Variants in CDCA7L observed in about 807,000 individuals in gnomAD.
CDCA7L encodes cell division cycle-associated 7-like protein.
A neutral mutation model predicts 57.4 loss-of-function variants in CDCA7L; 44 were observed. That is an observed-to-expected ratio of 0.77 (90% CI 0.60 to 0.98). The LOEUF is 0.98. Ranked by LOEUF, CDCA7L falls within the 50% of genes least tolerant of loss-of-function variation. CDCA7L has a pLI of 0.00. For synonymous variants in CDCA7L, 236 were observed against 202.8 expected (o/e 1.16, Z -1.39); for missense variants, 644 against 580.6 (o/e 1.11, Z -1.12).
chr7:21,928,770 G>C (rs1402641823), intron 1 of CDCA7L, among the ~76,000 whole-genome samples: 1 of 151,786 alleles, frequency 6.6e-6, no homozygotes, highest in Admixed American at 6.6e-5. Context: ...GAGTGAAAAA[G>C]GAACAAAAAA....
At chr7:21,944,948 C>T (rs1013492008) in intron 1 of CDCA7L, 4 of 150,694 alleles carry the variant, frequency 2.7e-5, no homozygotes, top group Non-Finnish European at 5.9e-5. Context: ...CTGCTTGTTT[C>T]CCTTTTTAAA....
chr7:21,911,147 C>T (rs1377291041), intron 3 of CDCA7L, among the ~76,000 whole-genome samples: 3 of 149,878 alleles, frequency 2.0e-5, no homozygotes, highest in Admixed American at 6.7e-5. Context: ...CTCCTGCCTC[C>T]GCCTCCCGAG....
At chr7:21,933,942 A>T (rs986213459) in intron 1 of CDCA7L, among the ~76,000 whole-genome samples, 1 of 152,118 alleles carries the variant, frequency 6.6e-6, no homozygotes, top group African/African-American at 2.4e-5. Context: ...CTGGTTAAAA[A>T]AAAAAAACTG....
At chr7:21,936,843 G>A (rs955855012) in intron 1 of CDCA7L, among the ~76,000 whole-genome samples, 5 of 152,042 alleles carry the variant, frequency 3.3e-5, no homozygotes, top group African/African-American at 4.8e-5. Context: ...AATAAATAAC[G>A]CATCCAAATT....
At chr7:21,905,300 A>G (rs886364498) in intron 7 of CDCA7L, among the ~76,000 whole-genome samples, 4 of 152,084 alleles carry the variant, frequency 2.6e-5, no homozygotes, top group Non-Finnish European at 5.9e-5. Flanking sequence ...ACGCATCCCT[A>G]AGAGAGACCG....
chr7:21,912,780 T>C lies in CDCA7L; in HGVS notation c.166-1026A>G, dbSNP rs372084111. On this transcript the variant is annotated intron_variant, in intron 2 of 9. Coordinates refer to ENST00000406877, the MANE Select transcript of CDCA7L (RefSeq NM_018719.5). Reference sequence around the variant, plus strand: ...TTTCTCTCGTGCAGGAGGTGAGAGGTGAACAACCATGGCTAGGTGGCAAGT... The same window carrying C: ...TTTCTCTCGTGCAGGAGGTGAGAGGCGAACAACCATGGCTAGGTGGCAAGT... 1.1e-4 allele frequency among the ~76,000 whole-genome samples: 16 copies of C among 152,156 alleles called. No homozygotes were observed. In the East Asian group the frequency reaches 1.4e-3, roughly 13 times the overall value.
chr7:21,910,402 C>G (rs1335947775), intron 3 of CDCA7L, among the ~76,000 whole-genome samples: 1 of 152,146 alleles, frequency 6.6e-6, no homozygotes, highest in Admixed American at 6.5e-5. Flanking sequence ...CACTATCAAA[C>G]GAAGCAGCCT....
In CDCA7L at chr7:21,905,724, A is replaced by C. The variant is rs1414655895; in HGVS notation, c.922-93T>G. On this transcript the variant is annotated intron_variant, in intron 6 of 9. Coordinates refer to ENST00000406877, the MANE Select transcript of CDCA7L (RefSeq NM_018719.5). ...AAACTCTCAAAGATCTAGCACCATTAATGTTAACCCCGTCCCTCTTCTATT... is the reference window on the plus strand; with the variant it reads ...AAACTCTCAAAGATCTAGCACCATTCATGTTAACCCCGTCCCTCTTCTATT... 4.5e-6 allele frequency: 6 copies of C among 1,342,292 alleles called. No homozygotes were observed. In the Admixed American group the frequency reaches 1.4e-4, roughly 31 times the overall value. 83.1% of individuals were successfully genotyped at this position (1,342,292 alleles called of 1,614,324 possible).
At chr7:21,941,080 G>C (rs1786326496) in intron 1 of CDCA7L, among the ~76,000 whole-genome samples, 1 of 152,026 alleles carries the variant, frequency 6.6e-6, no homozygotes, top group African/African-American at 2.4e-5. Flanking sequence ...CCTAACCATT[G>C]AAAATCAGGC....
intron 8 of CDCA7L, chr7:21,903,717 T>C (rs1171491387): frequency 6.8e-6 from 1 of 147,844 alleles, no homozygotes; most frequent in Non-Finnish European, 1.4e-5. Context: ...GAGCGACAGC[T>C]TGCACAGTGC....
chr7:21,945,384 C>T (rs1786487476), intron 1 of CDCA7L, among the ~76,000 whole-genome samples: 1 of 151,974 alleles, frequency 6.6e-6, no homozygotes, highest in Non-Finnish European at 1.5e-5. Flanking sequence ...TTACAACTTT[C>T]TTAAGCTTCC....
chr7:21,937,223 T>G (rs965256163), intron 1 of CDCA7L, among the ~76,000 whole-genome samples: 13 of 152,248 alleles, frequency 8.5e-5, no homozygotes, highest in African/African-American at 3.1e-4. Flanking sequence ...ACTGAAGCTA[T>G]GTACAGACTC....
intron 1 of CDCA7L, among the ~76,000 whole-genome samples, chr7:21,919,524 A>G (rs1785590009): frequency 1.3e-5 from 2 of 152,118 alleles, no homozygotes; most frequent in Admixed American, 6.6e-5. Context: ...GGAGAACACA[A>G]TGCATCTCGG....
chr7:21,918,832 A>G (rs1785570076), intron 1 of CDCA7L, among the ~76,000 whole-genome samples: 1 of 152,224 alleles, frequency 6.6e-6, no homozygotes, highest in Non-Finnish European at 1.5e-5. Flanking sequence ...CTTTTAAAAC[A>G]AAACAAAACA....
intron 1 of CDCA7L, among the ~76,000 whole-genome samples, chr7:21,917,912 T>A (rs945997978): frequency 1.3e-5 from 1 of 77,508 alleles, no homozygotes; most frequent in Non-Finnish European, 2.2e-5. Flanking sequence ...AATAGTACGA[T>A]TTACTGTAAC....
At chr7:21,923,527 G>A (rs551067633) in intron 1 of CDCA7L, among the ~76,000 whole-genome samples, 5 of 152,194 alleles carry the variant, frequency 3.3e-5, no homozygotes, top group African/African-American at 1.2e-4. Flanking sequence ...AAAAACCGGG[G>A]TAGAGGGGAA....
intron 6 of CDCA7L, among the ~76,000 whole-genome samples, 171 bp downstream of exon 6, chr7:21,906,118 G>A (rs1167780497): frequency 3.9e-5 from 6 of 152,178 alleles, no homozygotes; most frequent in African/African-American, 1.4e-4. Flanking sequence ...GCTTCTCAAA[G>A]TGTGATCTCA....
At chr7:21,911,519 A>C (rs1206453076) in intron 3 of CDCA7L, 98 bp downstream of exon 3, 2 of 1,405,522 alleles carry the variant, frequency 1.4e-6, no homozygotes, top group Middle Eastern at 1.8e-4. Context: ...TGTAAGAAAA[A>C]TCTTTTCACT....
chr7:21,942,506 G>T (rs1000236351), intron 1 of CDCA7L, among the ~76,000 whole-genome samples: 1 of 152,128 alleles, frequency 6.6e-6, no homozygotes, highest in African/African-American at 2.4e-5. Flanking sequence ...AAACAAAACT[G>T]TATACTGGAG....
Sources: gnomAD v4.1 joint callset for allele counts (sites outside exome capture counted in the v4.1 genomes callset) on GRCh38, gnomAD v4.1.1 for gene constraint, MANE v1.5 for transcripts, NCBI Gene and HGNC (gene_info 2026-07-23, HGNC 2026-07-21) for gene names.